The following IQCJ variants were observed in gnomAD, a reference collection of about 807,000 sequenced individuals.
IQCJ encodes IQ motif containing J, also known as IQ domain-containing protein J.
Under a neutral mutation model 11.0 loss-of-function variants are expected in IQCJ, and 9 were observed. That is an observed-to-expected ratio of 0.82 (90% CI 0.49 to 1.43). The LOEUF is 1.43. IQCJ is among the 40% of genes most tolerant of loss of function. The pLI is 0.00. For synonymous variants in IQCJ, 55 were observed against 51.3 expected (o/e 1.07, Z -0.31); for missense variants, 146 against 133.2 (o/e 1.10, Z -0.47).
chr3:159,167,473 T>C (rs1412973605), intron 1 of IQCJ, among the ~76,000 whole-genome samples: 2 of 152,216 alleles, frequency 1.3e-5, no homozygotes, highest in Non-Finnish European at 2.9e-5. Context: ...TGATTAATAA[T>C]ACATTAAAAT....
chr3:159,187,177 G>A (rs1344422045), intron 1 of IQCJ, among the ~76,000 whole-genome samples: 4 of 152,206 alleles, frequency 2.6e-5, no homozygotes, highest in Non-Finnish European at 5.9e-5. Flanking sequence ...TTAGAAACTT[G>A]CTGATGTGCT....
At chr3:159,214,943 G>T (rs1577086022) in intron 1 of IQCJ, among the ~76,000 whole-genome samples, 1 of 152,210 alleles carries the variant, frequency 6.6e-6, no homozygotes, top group Non-Finnish European at 1.5e-5. Flanking sequence ...CTGATGGGAA[G>T]TCTGCTGTTA....
intron 1 of IQCJ, among the ~76,000 whole-genome samples, chr3:159,103,971 C>A (rs955213261): frequency 6.6e-6 from 1 of 152,102 alleles, no homozygotes; most frequent in Non-Finnish European, 1.5e-5. Context: ...TTTTTGGGGC[C>A]CCATCTAGTG....
At chr3:159,192,641 G>T (rs1229118246) in intron 1 of IQCJ, among the ~76,000 whole-genome samples, 1 of 152,184 alleles carries the variant, frequency 6.6e-6, no homozygotes, top group Non-Finnish European at 1.5e-5. Context: ...GGAACCTTAG[G>T]CAAGGAGGCC....
At chr3:159,221,024 T>C (rs1232045105) in intron 1 of IQCJ, among the ~76,000 whole-genome samples, 1 of 152,130 alleles carries the variant, frequency 6.6e-6, no homozygotes, top group Non-Finnish European at 1.5e-5. Context: ...AAATGTAAGG[T>C]TGACAGCATT....
chr3:159,199,179 C>T (rs1273468278), intron 1 of IQCJ, among the ~76,000 whole-genome samples: 2 of 152,136 alleles, frequency 1.3e-5, no homozygotes, highest in African/African-American at 2.4e-5. Flanking sequence ...ACCAAACAGA[C>T]TGCAGATTTG....
intron 1 of IQCJ, among the ~76,000 whole-genome samples, chr3:159,244,949 G>C (rs1364812811): frequency 1.3e-5 from 2 of 152,182 alleles, no homozygotes; most frequent in African/African-American, 4.8e-5. Context: ...GGGAATGGTG[G>C]TCTTCCCAGG....
At chr3:159,252,631 A>G in intron 2 of IQCJ, 96 bp from the exon 3 acceptor site, 1 of 1,082,036 alleles carries the variant, frequency 9.2e-7, no homozygotes, top group East Asian at 2.9e-5. Flanking sequence ...TTGAATCTAC[A>G]TCTTATTTTA....
At chr3:159,208,344 A>T (rs75504116) in intron 1 of IQCJ, among the ~76,000 whole-genome samples, 1 of 152,138 alleles carries the variant, frequency 6.6e-6, no homozygotes, top group East Asian at 1.9e-4. Flanking sequence ...AGACCAGGTC[A>T]GCCATCACCT....
At chr3:159,082,537 A>C in intron 1 of IQCJ, among the ~76,000 whole-genome samples, 1 of 145,924 alleles carries the variant, frequency 6.9e-6, no homozygotes, top group Admixed American at 6.7e-5. Flanking sequence ...AGGCCCAGGA[A>C]AAAAAAAATG....
intron 1 of IQCJ, among the ~76,000 whole-genome samples, chr3:159,145,388 CACAA>C (rs1270444721): frequency 2.0e-5 from 3 of 152,150 alleles, no homozygotes; most frequent in Non-Finnish European, 4.4e-5. Context: ...CCATAGTGAT[CACAA>C]ACAATCTATT....
intron 2 of IQCJ, among the ~76,000 whole-genome samples, chr3:159,248,918 G>T (rs1275472891): frequency 6.6e-6 from 1 of 151,442 alleles, no homozygotes; most frequent in Non-Finnish European, 1.5e-5. Flanking sequence ...ATGCAGTGGT[G>T]TGATCTTGGC....
chr3:159,114,064 A>G (rs10433457), intron 1 of IQCJ, among the ~76,000 whole-genome samples: 15,150 of 152,204 alleles, frequency 0.1, 970 homozygotes, highest in South Asian at 0.18. Context: ...AGAAGAAATT[A>G]GCCAGAGGTA....
intron 1 of IQCJ, among the ~76,000 whole-genome samples, chr3:159,117,594 GA>G (rs1305095784): frequency 2.6e-5 from 4 of 152,194 alleles, no homozygotes; most frequent in Non-Finnish European, 4.4e-5. Flanking sequence ...GAACATAGTG[GA>G]AAAAGCTCTT....
At chr3:159,164,228 A>G (rs1722038580) in intron 1 of IQCJ, among the ~76,000 whole-genome samples, 1 of 151,960 alleles carries the variant, frequency 6.6e-6, no homozygotes, top group Non-Finnish European at 1.5e-5. Context: ...AGCTATGATC[A>G]CTCCTGGCCT....
intron 1 of IQCJ, among the ~76,000 whole-genome samples, chr3:159,142,657 A>G (rs1000214525): frequency 6.6e-5 from 10 of 152,158 alleles, no homozygotes; most frequent in African/African-American, 2.4e-4. Context: ...ACGTCAGGTG[A>G]TCTACCTGCC....
chr3:159,242,278 TGAA>T lies in IQCJ; in HGVS notation c.10-3558_10-3556del, dbSNP rs565187448. Among the ~76,000 whole-genome samples, 89 of 152,286 alleles carry T rather than the reference TGAA, an allele frequency of 5.8e-4. 3 individuals carry two copies. The South Asian group carries it at 7.9e-3, about 13-fold the overall frequency. ...AAAGTGATGGAAAACCACTGAATTA[TGAA>T]GAAGAAAACATCACTTATCTATATT... On this transcript the variant is annotated intron_variant, in intron 1 of 3. Transcript: ENST00000397832.
At chr3:159,142,423 TCC>T (rs58024504) in intron 1 of IQCJ, among the ~76,000 whole-genome samples, 15 of 129,502 alleles carry the variant, frequency 1.2e-4, no homozygotes, top group African/African-American at 4.0e-4. Context: ...GCAGGTCTTT[TCC>T]CCCCCCCACC....
chr3:159,090,720 T>C (rs532481530), intron 1 of IQCJ, among the ~76,000 whole-genome samples: 32 of 151,808 alleles, frequency 2.1e-4, no homozygotes, highest in South Asian at 4.2e-4. Flanking sequence ...TTCCACAGGG[T>C]CTGGGACAGC....
Sources: gnomAD v4.1 joint callset for allele counts (sites outside exome capture counted in the v4.1 genomes callset) on GRCh38, gnomAD v4.1.1 for gene constraint, MANE v1.5 for transcripts, NCBI Gene and HGNC (gene_info 2026-07-23, HGNC 2026-07-21) for gene names.